Variants in CERK observed in about 807,000 individuals in gnomAD.
The protein encoded by CERK is ceramide kinase.
CERK carries 39 observed loss-of-function variants against 63.4 expected under a neutral mutation model. That is an observed-to-expected ratio of 0.61 (90% CI 0.48 to 0.80). CERK has a LOEUF of 0.80. Ranked by LOEUF, CERK falls within the 30% of genes least tolerant of loss-of-function variation. The pLI, the probability that CERK is intolerant of heterozygous loss-of-function variation, is 0.00. For synonymous variants in CERK, 302 were observed against 280.0 expected, an observed-to-expected ratio of 1.08 and a Z score of -0.78; for missense variants, 670 against 714.1, an observed-to-expected ratio of 0.94 and a Z score of 0.70.
chr22:46,698,268 C>T (rs146474458), intron 8 of CERK, among the ~76,000 whole-genome samples: 2 of 152,232 alleles, frequency 1.3e-5, no homozygotes, highest in South Asian at 2.1e-4. Flanking sequence ...GGGAGTGCGG[C>T]GTGGCATTCG....
In CERK at chr22:46,717,461, G is replaced by A. The variant is rs144766044; in HGVS notation, c.379+2625C>T. 9.6e-4 allele frequency among the ~76,000 whole-genome samples: 147 copies of A among 152,338 alleles called. 1 individual carries two copies. The highest frequency in any genetic ancestry group is 3.2e-3 in the African/African-American group (134 of 41,576). ...CATACGGCCTAGAGAATGGACAAAC[G>A]GCAGCCCCACGCGAGAGCGTGGAAA... On this transcript the variant is annotated intron_variant, in intron 3 of 12. Coordinates refer to ENST00000216264, the MANE Select transcript of CERK (RefSeq NM_022766.6).
At chr22:46,691,056 T>TACACATAC (rs1555982642) in intron 11 of CERK, among the ~76,000 whole-genome samples, 1 of 147,194 alleles carries the variant, frequency 6.8e-6, no homozygotes, top group Non-Finnish European at 1.5e-5. Flanking sequence ...TATACATACA[T>TACACATAC]ACACACACAC....
intron 2 of CERK, among the ~76,000 whole-genome samples, chr22:46,720,434 G>A (rs1311411526): frequency 8.5e-5 from 13 of 152,282 alleles, no homozygotes; most frequent in Admixed American, 3.3e-4. Context: ...GATGACTCAC[G>A]CCTGTAATCC....
At chr22:46,725,623 A>G (rs1397805084) in intron 1 of CERK, among the ~76,000 whole-genome samples, 2 of 152,112 alleles carry the variant, frequency 1.3e-5, no homozygotes, top group Non-Finnish European at 2.9e-5. Flanking sequence ...TTGCTGACAG[A>G]GATAAATTCT....
chr22:46,724,137 A>G (rs1197993855), intron 1 of CERK, among the ~76,000 whole-genome samples: 1 of 152,142 alleles, frequency 6.6e-6, no homozygotes, highest in African/African-American at 2.4e-5. Context: ...CCCACTCAAC[A>G]TGAAGACCAT....
In CERK at chr22:46,691,521, G is replaced by A. The variant is rs2082731397; in HGVS notation, c.1332+51C>T. On this transcript the variant is annotated intron_variant, in intron 11 of 12. Transcript: ENST00000216264. ...ACAACACATAAACCAGGGACTGCTG[G>A]AACATAAATTACTCGCCAGTGGAGG... 5.5e-6 allele frequency: 8 copies of A among 1,454,074 alleles called. No homozygotes were observed. In the East Asian group the frequency reaches 1.8e-4, roughly 33 times the overall value. The allele number at this position is 1,454,074 out of a possible 1,614,324, so 90.1% of individuals were successfully genotyped here.
intron 3 of CERK, 109 bp downstream of exon 3, chr22:46,719,977 G>C: frequency 1.4e-6 from 2 of 1,423,054 alleles, no homozygotes; most frequent in Non-Finnish European, 1.9e-6. Flanking sequence ...ATGTCCACCT[G>C]GGGTATGGCC....
chr22:46,693,265 C>G (rs1404336982), intron 10 of CERK, among the ~76,000 whole-genome samples, 162 bp downstream of exon 10: 2 of 152,202 alleles, frequency 1.3e-5, no homozygotes, highest in Non-Finnish European at 2.9e-5. Flanking sequence ...GTAACAGTGA[C>G]CTGACGCTGC....
intron 1 of CERK, among the ~76,000 whole-genome samples, chr22:46,734,499 G>A (rs887025940): frequency 3.9e-5 from 6 of 152,200 alleles, no homozygotes; most frequent in Non-Finnish European, 4.4e-5. Context: ...TATTAGCATC[G>A]TGCCTGTCCC....
chr22:46,718,851 A>C (rs2082878436), intron 3 of CERK, among the ~76,000 whole-genome samples: 1 of 152,162 alleles, frequency 6.6e-6, no homozygotes. Flanking sequence ...AGGTAGGAAG[A>C]TGGCTTGAGC....
intron 6 of CERK, among the ~76,000 whole-genome samples, chr22:46,702,221 ATATGTGTGTGTGTGTGTGTGTG>A (rs1362163840): frequency 4.3e-4 from 49 of 113,380 alleles, no homozygotes; most frequent in Non-Finnish European, 6.5e-4. Flanking sequence ...AAAAATATAT[ATATGTGTGTGTGTGTGTGTGTG>A]TGTGTGTGTG....
At position 46,702,584 on chromosome 22, in the gene CERK, T is replaced by C. The variant is rs553388120; in HGVS notation, c.716-874A>G. ...GGGATTAGGCGTGAGCCACCACACC[T>C]GGCCCTCGTAAACTTCTGAAACAGC... On this transcript the variant is annotated intron_variant, in intron 6 of 12. Transcript: ENST00000216264. Among the ~76,000 whole-genome samples the C allele has an allele frequency of 1.2e-4, 19 of 152,304 alleles. No individual in the cohort carries two copies. In the East Asian group the frequency reaches 3.5e-3, roughly 28 times the overall value.
intron 1 of CERK, among the ~76,000 whole-genome samples, chr22:46,737,727 C>T (rs2082982186): frequency 1.3e-5 from 2 of 152,186 alleles, no homozygotes; most frequent in African/African-American, 2.4e-5. Flanking sequence ...CGACCCCGCG[C>T]CCCGGGTCCC....
intron 8 of CERK, among the ~76,000 whole-genome samples, chr22:46,697,806 A>G (rs1196114806): frequency 6.6e-6 from 1 of 152,130 alleles, no homozygotes; most frequent in African/African-American, 2.4e-5. Flanking sequence ...CCCCTGGCCA[A>G]TTCTATGTAT....
At chr22:46,701,558 C>T (rs972136608) in intron 7 of CERK, 78 bp downstream of exon 7, 25 of 1,257,722 alleles carry the variant, frequency 2.0e-5, no homozygotes, top group East Asian at 2.6e-5. Flanking sequence ...GAACACGCGA[C>T]GGGGACCAGA....
In CERK at chr22:46,708,737, T is replaced by C. The variant is rs754350057; in HGVS notation, c.570-749A>G. ...AGAGGTGCAGGCATGGAGACAGACA[T>C]GTCACTGCAGCCCAGAGGGAAGGCA... On this transcript the variant is annotated intron_variant, in intron 5 of 12. Transcript: ENST00000216264. Among the ~76,000 whole-genome samples, 14 of 152,270 alleles carry C rather than the reference T, an allele frequency of 9.2e-5. No individual in the cohort carries two copies. The East Asian group carries it at 1.4e-3, about 15-fold the overall frequency.
chr22:46,706,673 G>A (rs747171194), intron 6 of CERK, among the ~76,000 whole-genome samples: 2 of 152,098 alleles, frequency 1.3e-5, no homozygotes, highest in Non-Finnish European at 1.5e-5. Flanking sequence ...GGAAGGGATC[G>A]TAACCAGACG....
Position 46,691,713 on chromosome 22 carries a change from G to A in CERK, c.1191C>T (p.Ser397=). The A allele has an allele frequency of 6.2e-7, 1 of 1,613,834 alleles. No individual in the cohort carries two copies. The highest frequency in any genetic ancestry group is 8.5e-7 in the Non-Finnish European group (1 of 1,179,820). The change falls in exon 11 of 13, where the codon TCC becomes TCT. Residue 397 remains serine, a synonymous_variant. Coordinates refer to ENST00000216264, the MANE Select transcript of CERK (RefSeq NM_022766.6). ...KFLAINATNM[S]CACRRSPRGL... Reference sequence around the variant, plus strand: ...CCCTGGGGCTCCGGCGACAAGCACAGGACATGTTTGTGGCATTGATGGCCA... The same window carrying A: ...CCCTGGGGCTCCGGCGACAAGCACAAGACATGTTTGTGGCATTGATGGCCA...
At chr22:46,708,403 T>A (rs762819225) in intron 5 of CERK, among the ~76,000 whole-genome samples, 1 of 152,188 alleles carries the variant, frequency 6.6e-6, no homozygotes, top group African/African-American at 2.4e-5. Context: ...GGCACAGCAG[T>A]CTGCGCGGGG....
Sources: allele counts gnomAD v4.1 joint callset (sites outside exome capture counted in the v4.1 genomes callset), GRCh38; gene constraint gnomAD v4.1.1; transcripts MANE v1.5; gene names NCBI Gene and HGNC (gene_info 2026-07-23, HGNC 2026-07-21).